Variants in LYPD6 observed in about 807,000 individuals in gnomAD.
LYPD6 encodes LY6/PLAUR domain containing 6.
Under a neutral mutation model 22.7 loss-of-function variants are expected in LYPD6, and 15 were observed. The observed-to-expected ratio is 0.66, with a 90% confidence interval of 0.44 to 1.02. The LOEUF (loss-of-function observed/expected upper bound fraction) is 1.02, where lower values mean the gene tolerates loss of function less well. LYPD6 is among the 50% of genes least tolerant of loss of function. The pLI is 0.00. For missense variants in LYPD6, 189 were observed against 208.4 expected (o/e 0.91, Z 0.57); for synonymous variants, 72 against 77.5 (o/e 0.93, Z 0.37).
chr2:149,443,930 CTTTTTTTTT>C (rs766245738), intron 2 of LYPD6, among the ~76,000 whole-genome samples: 1 of 114,108 alleles, frequency 8.8e-6, no homozygotes, highest in Admixed American at 9.9e-5. Context: ...ATGTGCATAT[CTTTTTTTTT>C]TTTTTTTTTT....
intron 1 of LYPD6, among the ~76,000 whole-genome samples, chr2:149,356,213 G>T (rs571779903): frequency 6.6e-6 from 1 of 151,812 alleles, no homozygotes; most frequent in East Asian, 1.9e-4. Flanking sequence ...TTATGCCAGC[G>T]TTTAGGACTG....
intron 1 of LYPD6, among the ~76,000 whole-genome samples, chr2:149,333,671 T>A (rs1356900564): frequency 6.6e-6 from 1 of 152,228 alleles, no homozygotes; most frequent in Non-Finnish European, 1.5e-5. Context: ...TGCAAACTCC[T>A]TGCTAATGAA....
chr2:149,462,020 A>G (rs1441472900), intron 3 of LYPD6, among the ~76,000 whole-genome samples: 1 of 152,044 alleles, frequency 6.6e-6, no homozygotes, highest in African/African-American at 2.4e-5. Flanking sequence ...ACTTTTATTT[A>G]GTGCAACCCT....
intron 1 of LYPD6, among the ~76,000 whole-genome samples, chr2:149,408,281 A>AT (rs1240188254): frequency 2.6e-5 from 4 of 152,066 alleles, no homozygotes; most frequent in African/African-American, 7.2e-5. Context: ...AGACAGGGAC[A>AT]TTTTCAATAT....
intron 1 of LYPD6, among the ~76,000 whole-genome samples, chr2:149,428,347 G>C (rs1187585237): frequency 6.6e-6 from 1 of 152,160 alleles, no homozygotes; most frequent in Non-Finnish European, 1.5e-5. Context: ...TGGATATTAA[G>C]GCTTCTATAA....
intron 1 of LYPD6, among the ~76,000 whole-genome samples, chr2:149,417,541 G>A (rs996377870): frequency 2.6e-5 from 4 of 152,160 alleles, no homozygotes; most frequent in African/African-American, 9.7e-5. Context: ...GTAAAATGGG[G>A]AGACTGCATG....
chr2:149,371,698 G>A (rs558762453), intron 1 of LYPD6, among the ~76,000 whole-genome samples: 2 of 152,312 alleles, frequency 1.3e-5, no homozygotes, highest in East Asian at 1.9e-4. Context: ...CTTAGCAGGC[G>A]TCAGGAGGCA....
intron 1 of LYPD6, among the ~76,000 whole-genome samples, chr2:149,406,632 AC>A (rs1682716364): frequency 6.6e-6 from 1 of 152,210 alleles, no homozygotes; most frequent in Non-Finnish European, 1.5e-5. Flanking sequence ...GTGTCTCTGC[AC>A]GTGAGATGGG....
At chr2:149,370,888 A>G (rs1681792722) in intron 1 of LYPD6, among the ~76,000 whole-genome samples, 1 of 152,152 alleles carries the variant, frequency 6.6e-6, no homozygotes, top group African/African-American at 2.4e-5. Context: ...TGAGCCTAGG[A>G]CTTCGAAGTT....
chr2:149,351,974 G>A (rs1352982029), intron 1 of LYPD6, among the ~76,000 whole-genome samples: 2 of 152,014 alleles, frequency 1.3e-5, no homozygotes, highest in East Asian at 1.9e-4. Flanking sequence ...CCTGCCCTGC[G>A]CCAGTATCAG....
intron 4 of LYPD6, among the ~76,000 whole-genome samples, chr2:149,469,185 T>C (rs1018789259): frequency 2.0e-5 from 3 of 152,162 alleles, no homozygotes; most frequent in Non-Finnish European, 4.4e-5. Flanking sequence ...AGGGCTCATG[T>C]TGTGACTGGG....
At chr2:149,445,677 A>G (rs1190620038) in intron 2 of LYPD6, among the ~76,000 whole-genome samples, 3 of 152,186 alleles carry the variant, frequency 2.0e-5, no homozygotes, top group African/African-American at 4.8e-5. Context: ...CTCAGCCTTT[A>G]TAGAACTAAT....
At chr2:149,341,340 C>T (rs1405571) in intron 1 of LYPD6, among the ~76,000 whole-genome samples, 46,603 of 151,884 alleles carry the variant, frequency 0.31, 7,367 homozygotes, top group Middle Eastern at 0.39. Flanking sequence ...CCAAAGATGC[C>T]TTTTCTCCTG....
chr2:149,390,494 G>A (rs544133275), intron 1 of LYPD6, among the ~76,000 whole-genome samples: 3 of 152,292 alleles, frequency 2.0e-5, no homozygotes, highest in Admixed American at 6.5e-5. Context: ...ACATTTGTAT[G>A]TTGGTCATTT....
downstream of LYPD6, among the ~76,000 whole-genome samples, chr2:149,475,807 G>A (rs550668194): frequency 2.0e-4 from 31 of 152,266 alleles, no homozygotes; most frequent in South Asian, 1.2e-3. Context: ...CGGTTAATCA[G>A]CATGACCCCA....
chr2:149,454,209 T>C (rs2105167481), intron 3 of LYPD6, among the ~76,000 whole-genome samples: 1 of 152,334 alleles, frequency 6.6e-6, no homozygotes. Flanking sequence ...AGATCATAAG[T>C]GCACAATTTG....
At chr2:149,429,628 C>T (rs1226077032) in intron 1 of LYPD6, among the ~76,000 whole-genome samples, 6 of 152,326 alleles carry the variant, frequency 3.9e-5, no homozygotes, top group South Asian at 2.1e-4. Context: ...TCACCACAGA[C>T]CTTGGTGGCT....
chr2:149,461,277 C>T (rs1196650), intron 3 of LYPD6, among the ~76,000 whole-genome samples: 89,552 of 151,664 alleles, frequency 0.59, 27,973 homozygotes, highest in East Asian at 0.85. Flanking sequence ...ATGAACAACT[C>T]AAAAACATAA....
intron 1 of LYPD6, among the ~76,000 whole-genome samples, chr2:149,425,573 G>A (rs557854935): frequency 1.0e-3 from 159 of 152,236 alleles, no homozygotes; most frequent in Non-Finnish European, 1.8e-3. Context: ...CAAGGACAAC[G>A]CTCTTTTATT....
Sources: allele counts gnomAD v4.1 joint callset (sites outside exome capture counted in the v4.1 genomes callset), GRCh38; gene constraint gnomAD v4.1.1; transcripts MANE v1.5; gene names NCBI Gene and HGNC (gene_info 2026-07-23, HGNC 2026-07-21).